TIAM1: variants seen among roughly 807,000 people sequenced by gnomAD.
TIAM1 encodes the protein rho guanine nucleotide exchange factor TIAM1.
In TIAM1, 65 loss-of-function variants were observed where a neutral mutation model predicts 163.5. The observed-to-expected ratio is 0.40, with a 90% CI of 0.33 to 0.49. TIAM1 has a LOEUF of 0.49. Among genes scored for constraint, TIAM1 ranks in the 20% least tolerant of loss-of-function variants. The pLI is 0.77. For synonymous variants in TIAM1, 833 were observed against 810.1 expected (o/e 1.03, Z -0.48); for missense variants, 1,789 against 2,044.7 (o/e 0.87, Z 2.41).
At chr21:31,181,515 A>AG (rs974645114) in intron 15 of TIAM1, among the ~76,000 whole-genome samples, 4 of 126,156 alleles carry the variant, frequency 3.2e-5, no homozygotes, top group African/African-American at 5.9e-5. Context: ...AGGGCAGGGC[A>AG]GGGGGGTCAC....
At chr21:31,240,460 A>C (rs2071107052) in intron 6 of TIAM1, among the ~76,000 whole-genome samples, 1 of 152,204 alleles carries the variant, frequency 6.6e-6, no homozygotes, top group Admixed American at 6.5e-5. Flanking sequence ...AATCACATGA[A>C]AACCAGCTGT....
chr21:31,526,454 C>A (rs1463029552), intron 1 of TIAM1, among the ~76,000 whole-genome samples: 1 of 152,162 alleles, frequency 6.6e-6, no homozygotes, highest in African/African-American at 2.4e-5. Flanking sequence ...AAATTAATGA[C>A]CTTCTAAGCC....
At chr21:31,487,800 A>G (rs887062555) in intron 1 of TIAM1, among the ~76,000 whole-genome samples, 1 of 138,834 alleles carries the variant, frequency 7.2e-6, no homozygotes, top group Admixed American at 7.0e-5. Context: ...CTCATGATCC[A>G]CCCGCCTCGG....
chr21:31,303,976 T>A (rs2074600297), intron 2 of TIAM1, among the ~76,000 whole-genome samples: 1 of 151,724 alleles, frequency 6.6e-6, no homozygotes, highest in Non-Finnish European at 1.5e-5. Flanking sequence ...AGACGCCATC[T>A]CAAAAAAAAG....
At chr21:31,534,050 G>C (rs956977191) in intron 1 of TIAM1, among the ~76,000 whole-genome samples, 1 of 152,124 alleles carries the variant, frequency 6.6e-6, no homozygotes, top group African/African-American at 2.4e-5. Flanking sequence ...GGAAATACCC[G>C]CCTGGCATCC....
intron 1 of TIAM1, among the ~76,000 whole-genome samples, chr21:31,555,504 C>T (rs1345192723): frequency 6.6e-6 from 1 of 152,080 alleles, no homozygotes; most frequent in Non-Finnish European, 1.5e-5. Context: ...AAACGAGGCT[C>T]TTTCTTAACC....
Position 31,209,202 on chromosome 21 carries a change from T to C in TIAM1, c.2388+843A>G, listed in dbSNP as rs117836703. 2.8e-3 allele frequency among the ~76,000 whole-genome samples: 434 copies of C among 152,282 alleles called. 3 individuals are homozygous for C. Among genetic ancestry groups the C allele is most frequent in the Non-Finnish European group, 4.5e-3 (307 of 68,022 alleles). The stretch of plus-strand genomic sequence containing the variant: ...GGCCCTCTGAGCTTCACTTCCTCCA[T>C]GTGTACAATGGCAAAGTCTCAGCTC... On this transcript the variant is annotated intron_variant, in intron 11 of 27. Transcript: ENST00000541036.
chr21:31,474,270 G>A (rs13045986), intron 1 of TIAM1, among the ~76,000 whole-genome samples: 11,769 of 152,166 alleles, frequency 0.077, 635 homozygotes, highest in Non-Finnish European at 0.11. Flanking sequence ...CATCCAAATC[G>A]TATTAGAGAA....
chr21:31,537,843 C>T (rs2048189740), intron 1 of TIAM1, among the ~76,000 whole-genome samples: 1 of 152,078 alleles, frequency 6.6e-6, no homozygotes, highest in Admixed American at 6.6e-5. Context: ...CAAGACTGCT[C>T]TATGTGTACT....
chr21:31,340,772 T>C (rs2075990907), intron 1 of TIAM1, among the ~76,000 whole-genome samples: 1 of 151,904 alleles, frequency 6.6e-6, no homozygotes, highest in Non-Finnish European at 1.5e-5. Flanking sequence ...TGTACTCATT[T>C]CATTTTTACA....
intron 2 of TIAM1, among the ~76,000 whole-genome samples, chr21:31,307,726 G>T (rs2074769099): frequency 6.6e-6 from 1 of 152,110 alleles, no homozygotes; most frequent in Non-Finnish European, 1.5e-5. Context: ...GCAAACAGAT[G>T]CCTCTGGACA....
At chr21:31,353,829 A>ATCTT (rs2076272139) in intron 2 of TIAM1, among the ~76,000 whole-genome samples, 11 of 67,254 alleles carry the variant, frequency 1.6e-4, no homozygotes, top group Non-Finnish European at 3.1e-4. Flanking sequence ...TTATTTATTT[A>ATCTT]TTTATCTTTT....
chr21:31,203,785 T>C (rs549735378), intron 11 of TIAM1, among the ~76,000 whole-genome samples: 1 of 152,336 alleles, frequency 6.6e-6, no homozygotes, highest in African/African-American at 2.4e-5. Flanking sequence ...ATAGGGACAG[T>C]GGGACAGTTG....
chr21:31,120,144 C>G lies in TIAM1; in HGVS notation c.*224G>C. 1.9e-6 allele frequency: 1 copy of G among 527,428 alleles called. No homozygotes were observed. Among genetic ancestry groups the G allele is most frequent in the East Asian group, 3.0e-5 (1 of 33,060 alleles). The allele number at this position is 527,428 out of a possible 1,614,324, so 32.7% of individuals were successfully genotyped here. ...ATAAATAAAAGCCCTTAGTAATATACAGAAGATAGGACTCAAGCTTATTTG... is the reference window on the plus strand; with the variant it reads ...ATAAATAAAAGCCCTTAGTAATATAGAGAAGATAGGACTCAAGCTTATTTG... On this transcript the variant is annotated 3_prime_UTR_variant, in exon 28 of 28. Coordinates refer to ENST00000541036, the MANE Select transcript of TIAM1 (RefSeq NM_001353694.2). The surrounding 1 kb of genome is among the most constrained non-coding windows in gnomAD (Gnocchi z 4.2).
chr21:31,120,718 CG>C lies in TIAM1; in HGVS notation c.4425del (p.Gly1476ValfsTer9), dbSNP rs757091901. On this transcript the variant is annotated frameshift_variant, in exon 28 of 28. Transcript: ENST00000541036. LOFTEE classifies it high-confidence loss of function. This position sits in a 1 kb window ranked among gnomAD's most constrained non-coding sequence, Gnocchi z 4.2. ...ACCCATCGGTCAGTGTCCCCACCAC[CG>C]GGGGGCTGCTGGGACTCTTTCTCCG... ...SSPEKESQQP[P>X]GGGDTDRWVE... The C allele has an allele frequency of 6.2e-7, 1 of 1,614,010 alleles. No homozygotes were observed. Among genetic ancestry groups the C allele is most frequent in the Non-Finnish European group, 8.5e-7 (1 of 1,179,990 alleles).
At chr21:31,193,709 AT>A (rs201396005) in intron 13 of TIAM1, among the ~76,000 whole-genome samples, 2 of 151,712 alleles carry the variant, frequency 1.3e-5, no homozygotes, top group Non-Finnish European at 2.9e-5. Context: ...CCCCCAAATA[AT>A]TTTTTTTTGT....
rs1569031686 is a variant in TIAM1 at position 31,210,622 on chromosome 21, A to G, written c.2218-407T>C. On this transcript the variant is annotated intron_variant, in intron 10 of 27. Transcript: ENST00000541036. ...AGAAAGAAGGAAGGAAGGGAGAAAG[A>G]AAGAAAGAAAGAAAGAAAGAAAGAA... 2.0e-3 allele frequency among the ~76,000 whole-genome samples: 28 copies of G among 13,888 alleles called. 1 individual carries two copies. Among genetic ancestry groups the G allele is most frequent in the African/African-American group, 7.4e-3 (25 of 3,380 alleles). The allele number at this position is 13,888 out of a possible 152,430, so 9.1% of individuals were successfully genotyped here.
At chr21:31,200,604 G>A (rs2086148438) in intron 12 of TIAM1, among the ~76,000 whole-genome samples, 1 of 152,098 alleles carries the variant, frequency 6.6e-6, no homozygotes, top group South Asian at 2.1e-4. Context: ...CTAGCTATTA[G>A]GTCTATGTCT....
At chr21:31,548,582 G>T (rs2048580830) in intron 1 of TIAM1, among the ~76,000 whole-genome samples, 1 of 151,710 alleles carries the variant, frequency 6.6e-6, no homozygotes, top group African/African-American at 2.4e-5. Flanking sequence ...TCTGCTCCTG[G>T]GCTCAAACAA....
Sources: allele counts gnomAD v4.1 joint callset (sites outside exome capture counted in the v4.1 genomes callset), GRCh38; gene constraint gnomAD v4.1.1; non-coding constraint Gnocchi (gnomAD v3.1); transcripts MANE v1.5; gene names NCBI Gene and HGNC (gene_info 2026-07-23, HGNC 2026-07-21).